The following COL28A1 variants were observed in gnomAD, a reference collection of about 807,000 sequenced individuals.
COL28A1 encodes the protein collagen type XXVIII alpha 1 chain, also known as collagen alpha-1(XXVIII) chain.
Under a neutral mutation model 150.2 loss-of-function variants are expected in COL28A1, and 161 were observed. That is an observed-to-expected ratio of 1.07 (90% confidence interval 0.94 to 1.22). The LOEUF (loss-of-function observed/expected upper bound fraction) is 1.22. COL28A1 is among the 50% of genes most tolerant of loss of function. The pLI is 0.00. For synonymous variants in COL28A1, 552 were observed against 469.7 expected (o/e 1.18, Z -2.26); for missense variants, 1,617 against 1,388.3 (o/e 1.16, Z -2.62).
chr7:7,342,180 A>T, the COL28A1 span, among the ~76,000 whole-genome samples: 1 of 152,132 alleles, frequency 6.6e-6, no homozygotes, highest in East Asian at 1.9e-4. Context: ...TTTTATCATT[A>T]TGAAGTGAAA....
intron 3 of COL28A1, among the ~76,000 whole-genome samples, chr7:7,524,652 T>C (rs1196435960): frequency 6.6e-6 from 1 of 152,202 alleles, no homozygotes; most frequent in African/African-American, 2.4e-5. Context: ...TCCATCCCTA[T>C]GCACATATAC....
At chr7:7,400,367 G>C (rs552835949) in intron 27 of COL28A1, among the ~76,000 whole-genome samples, 5 of 152,148 alleles carry the variant, frequency 3.3e-5, no homozygotes, top group Non-Finnish European at 1.5e-5. Context: ...GGGTGAAGCA[G>C]AGTCAGACAG....
chr7:7,502,330 C>G (rs1057157984), intron 11 of COL28A1, among the ~76,000 whole-genome samples: 2 of 152,182 alleles, frequency 1.3e-5, no homozygotes, highest in African/African-American at 4.8e-5. Context: ...TCAGGGCAGA[C>G]TAGGAGCTAC....
At chr7:7,424,382 G>A (rs1047265254) in intron 25 of COL28A1, among the ~76,000 whole-genome samples, 4 of 152,160 alleles carry the variant, frequency 2.6e-5, no homozygotes, top group African/African-American at 7.2e-5. Flanking sequence ...TTGCGGACAG[G>A]TCTTGCTTGG....
At chr7:7,451,852 C>T (rs989966072) in intron 18 of COL28A1, among the ~76,000 whole-genome samples, 1 of 151,966 alleles carries the variant, frequency 6.6e-6, no homozygotes, top group Admixed American at 6.6e-5. Context: ...CTTCTTAGAC[C>T]TACATCTTAT....
chr7:7,471,545 G>C (rs1156794632), intron 15 of COL28A1, among the ~76,000 whole-genome samples: 1 of 152,152 alleles, frequency 6.6e-6, no homozygotes, highest in Non-Finnish European at 1.5e-5. Context: ...TTCATAACAG[G>C]GATGCAGGGA....
At chr7:7,511,268 T>C (rs1781118725) in intron 8 of COL28A1, 133 bp from the exon 9 acceptor site, 1 of 663,642 alleles carries the variant, frequency 1.5e-6, no homozygotes, top group African/African-American at 1.8e-5. Context: ...CTACACAATA[T>C]TAGCCTCAAT....
At chr7:7,514,973 G>A (rs759652535) in intron 8 of COL28A1, among the ~76,000 whole-genome samples, 1 of 152,180 alleles carries the variant, frequency 6.6e-6, no homozygotes, top group Non-Finnish European at 1.5e-5. Context: ...CCCAATGCAT[G>A]ATCCAGGAGA....
At chr7:7,419,822 T>C in intron 26 of COL28A1, 63 bp downstream of exon 26, 2 of 1,045,740 alleles carry the variant, frequency 1.9e-6, no homozygotes, top group Non-Finnish European at 2.7e-6. Context: ...ATGAAGTTAC[T>C]GTTCACTTGT....
intron 27 of COL28A1, among the ~76,000 whole-genome samples, chr7:7,383,335 G>C (rs1781990165): frequency 6.7e-6 from 1 of 149,870 alleles, no homozygotes; most frequent in African/African-American, 2.5e-5. Flanking sequence ...TTGGAGTGCA[G>C]TGGTGTGATC....
At chr7:7,471,266 A>G (rs974372635) in intron 15 of COL28A1, among the ~76,000 whole-genome samples, 1 of 152,088 alleles carries the variant, frequency 6.6e-6, no homozygotes, top group African/African-American at 2.4e-5. Flanking sequence ...CCAGGACTAG[A>G]CGGATTCACA....
intron 11 of COL28A1, among the ~76,000 whole-genome samples, chr7:7,505,158 T>C (rs1227561187): frequency 6.6e-6 from 1 of 152,194 alleles, no homozygotes; most frequent in Non-Finnish European, 1.5e-5. Context: ...AATATTATAC[T>C]GTCACTCTCT....
At chr7:7,347,375 T>C in the COL28A1 span, among the ~76,000 whole-genome samples, 1 of 152,122 alleles carries the variant, frequency 6.6e-6, no homozygotes, top group Non-Finnish European at 1.5e-5. Flanking sequence ...ATGTCTATTC[T>C]AAGAAAAATG....
At chr7:7,535,169 A>G (rs1307426374) in intron 1 of COL28A1, among the ~76,000 whole-genome samples, 1 of 152,200 alleles carries the variant, frequency 6.6e-6, no homozygotes, top group East Asian at 1.9e-4. Context: ...ACTATAGGTT[A>G]CATTTTATAA....
intron 27 of COL28A1, among the ~76,000 whole-genome samples, chr7:7,382,438 T>C (rs1281052095): frequency 2.0e-5 from 3 of 152,192 alleles, no homozygotes; most frequent in Admixed American, 6.5e-5. Context: ...CCATCTCTCA[T>C]AATTTGTAGC....
chr7:7,398,333 T>C (rs1387149479), intron 27 of COL28A1, among the ~76,000 whole-genome samples: 2 of 152,232 alleles, frequency 1.3e-5, no homozygotes, highest in African/African-American at 4.8e-5. Context: ...TTTCTTAAAC[T>C]TTTAGTCCTT....
intron 27 of COL28A1, among the ~76,000 whole-genome samples, chr7:7,396,588 C>G (rs77213713): frequency 1.3e-5 from 2 of 152,148 alleles, no homozygotes; most frequent in Non-Finnish European, 2.9e-5. Context: ...GGGACTAAGA[C>G]GGCCTAATGC....
At chr7:7,472,421 T>C (rs1788512234) in intron 15 of COL28A1, among the ~76,000 whole-genome samples, 1 of 149,682 alleles carries the variant, frequency 6.7e-6, no homozygotes, top group African/African-American at 2.5e-5. Flanking sequence ...CTTTTTACAA[T>C]AGCTGCAAAA....
intron 25 of COL28A1, among the ~76,000 whole-genome samples, chr7:7,421,449 A>G (rs924099682): frequency 2.0e-5 from 3 of 152,208 alleles, no homozygotes; most frequent in African/African-American, 7.2e-5. Flanking sequence ...GATGAATTCT[A>G]GAATGTGTAA....
Sources: gnomAD v4.1 joint callset for allele counts (sites outside exome capture counted in the v4.1 genomes callset) on GRCh38, gnomAD v4.1.1 for gene constraint, MANE v1.5 for transcripts, NCBI Gene and HGNC (gene_info 2026-07-23, HGNC 2026-07-21) for gene names.